OR10J1: variants seen among roughly 807,000 people sequenced by gnomAD.
OR10J1 encodes olfactory receptor 10J1.
For missense variants in OR10J1, 474 were observed against 376.6 expected (o/e 1.26, Z -2.14); for synonymous variants, 202 against 143.8 (o/e 1.40, Z -2.89).
the OR10J1 span, among the ~76,000 whole-genome samples, chr1:159,422,219 C>CAGATCTGGCTGGGCAATA: frequency 6.6e-6 from 1 of 152,060 alleles, no homozygotes; most frequent in South Asian, 2.1e-4. Flanking sequence ...GGGCAGTCTC[C>CAGATCTGGCTGGGCAATA]CCAGTGGTGC....
chr1:159,423,519 G>T, the OR10J1 span, among the ~76,000 whole-genome samples: 16 of 152,296 alleles, frequency 1.1e-4, no homozygotes, highest in South Asian at 2.1e-4. Context: ...CTAAGCCCAG[G>T]ATTGCACATT....
the OR10J1 span, chr1:159,432,102 A>G: frequency 5.0e-5 from 20 of 399,204 alleles, no homozygotes; most frequent in Admixed American, 1.8e-4. Context: ...ATGCCATTTC[A>G]GTGCCTGCAC....
At chr1:159,419,888 C>T in the OR10J1 span, among the ~76,000 whole-genome samples, 2 of 151,954 alleles carry the variant, frequency 1.3e-5, no homozygotes, top group African/African-American at 4.8e-5. Flanking sequence ...TTTTACTTTT[C>T]CTTCTGGATG....
chr1:159,402,646 T>C, the OR10J1 span, among the ~76,000 whole-genome samples: 7 of 152,002 alleles, frequency 4.6e-5, no homozygotes, highest in African/African-American at 1.7e-4. Flanking sequence ...TCCATGTTTA[T>C]GGGTGGAAGA....
chr1:159,423,865 C>A, the OR10J1 span, among the ~76,000 whole-genome samples: 20 of 152,276 alleles, frequency 1.3e-4, no homozygotes, highest in Non-Finnish European at 2.2e-4. Context: ...ACAAGAAACA[C>A]ACCCAGAACT....
chr1:159,430,827 T>G, the OR10J1 span, among the ~76,000 whole-genome samples: 1 of 152,158 alleles, frequency 6.6e-6, no homozygotes, highest in African/African-American at 2.4e-5. Flanking sequence ...TTACATACAG[T>G]AATTCATATG....
chr1:159,408,620 A>AT, the OR10J1 span, among the ~76,000 whole-genome samples: 2 of 150,066 alleles, frequency 1.3e-5, no homozygotes, highest in East Asian at 3.9e-4. Flanking sequence ...TATAATAATA[A>AT]AAAAAAAAGA....
the OR10J1 span, among the ~76,000 whole-genome samples, chr1:159,412,514 G>A: frequency 1.0e-4 from 15 of 146,182 alleles, no homozygotes; most frequent in Admixed American, 8.9e-4. Context: ...ACAGAACAGA[G>A]CCCTCAGAAA....
the OR10J1 span, among the ~76,000 whole-genome samples, chr1:159,428,906 A>T: frequency 1.3e-5 from 2 of 152,242 alleles, no homozygotes; most frequent in Non-Finnish European, 2.9e-5. Flanking sequence ...TGGTACTTAG[A>T]GAGTCCTTAA....
At chr1:159,425,270 G>T in the OR10J1 span, among the ~76,000 whole-genome samples, 4 of 152,002 alleles carry the variant, frequency 2.6e-5, no homozygotes, top group Non-Finnish European at 5.9e-5. Flanking sequence ...AACTAACACA[G>T]GTGAGAGACA....
chr1:159,419,463 G>T, the OR10J1 span, among the ~76,000 whole-genome samples: 16 of 152,172 alleles, frequency 1.1e-4, no homozygotes, highest in Non-Finnish European at 2.4e-4. Context: ...TGCCATGTAA[G>T]ACATGCCTTT....
the OR10J1 span, among the ~76,000 whole-genome samples, chr1:159,397,858 C>G: frequency 4.9e-3 from 749 of 152,272 alleles, 5 homozygotes; most frequent in Admixed American, 0.013. Context: ...ACAGGCCTGG[C>G]TGTCTTTGCT....
chr1:159,423,364 G>A, the OR10J1 span, among the ~76,000 whole-genome samples: 13 of 152,146 alleles, frequency 8.5e-5, no homozygotes, highest in African/African-American at 3.1e-4. Flanking sequence ...ATCTTGTGAG[G>A]ACAGGCACTG....
the OR10J1 span, among the ~76,000 whole-genome samples, chr1:159,413,877 T>A: frequency 1.3e-5 from 2 of 151,602 alleles, no homozygotes; most frequent in South Asian, 2.1e-4. Context: ...TAAATAAAAA[T>A]AAAAAAATAT....
upstream of OR10J1, among the ~76,000 whole-genome samples, chr1:159,435,189 T>C (rs892449096): frequency 3.3e-5 from 5 of 152,156 alleles, no homozygotes; most frequent in African/African-American, 1.2e-4. Context: ...TTGTGGTTAA[T>C]AAACCACTAA....
At chr1:159,412,803 A>G in the OR10J1 span, among the ~76,000 whole-genome samples, 2 of 151,854 alleles carry the variant, frequency 1.3e-5, no homozygotes, top group South Asian at 4.2e-4. Context: ...TAAAACACCA[A>G]AAGCAATGGC....
At chr1:159,414,374 C>A in the OR10J1 span, among the ~76,000 whole-genome samples, 2 of 152,134 alleles carry the variant, frequency 1.3e-5, no homozygotes, top group Non-Finnish European at 2.9e-5. Context: ...TGGCTTATTT[C>A]ACTTAATGAC....
the OR10J1 span, among the ~76,000 whole-genome samples, chr1:159,408,079 G>T: frequency 6.6e-6 from 1 of 151,958 alleles, no homozygotes. Context: ...AGTGAATAAG[G>T]CTTATGTTGC....
the OR10J1 span, among the ~76,000 whole-genome samples, chr1:159,419,041 C>G: frequency 6.6e-6 from 1 of 152,182 alleles, no homozygotes; most frequent in African/African-American, 2.4e-5. Flanking sequence ...CTTGCAACCC[C>G]ATTGTACCTA....
Sources: gnomAD v4.1 joint callset for allele counts (sites outside exome capture counted in the v4.1 genomes callset) on GRCh38, gnomAD v4.1.1 for gene constraint, MANE v1.5 for transcripts, NCBI Gene and HGNC (gene_info 2026-07-23, HGNC 2026-07-21) for gene names.